Variants in NAPEPLD observed in about 807,000 individuals in gnomAD.
NAPEPLD encodes the protein N-acyl-phosphatidylethanolamine-hydrolyzing phospholipase D.
A neutral mutation model predicts 38.1 loss-of-function variants in NAPEPLD; 23 were observed. The observed-to-expected ratio is 0.60, with a 90% confidence interval of 0.43 to 0.86. NAPEPLD has a LOEUF of 0.86. Ranked by LOEUF, NAPEPLD falls within the 40% of genes least tolerant of loss-of-function variation. The probability of loss-of-function intolerance (pLI) is 0.00; values close to 1 mark genes in which losing one functional copy is unlikely to be tolerated. For synonymous variants in NAPEPLD, 147 were observed against 162.0 expected, an observed-to-expected ratio of 0.91 and a Z score of 0.71; for missense variants, 411 against 476.8, an observed-to-expected ratio of 0.86 and a Z score of 1.28.
At chr7:103,147,882 A>G (rs1030062733) in intron 1 of NAPEPLD, 98 of 671,286 alleles carry the variant, frequency 1.5e-4, no homozygotes, top group Non-Finnish European at 1.8e-4. Flanking sequence ...GAAAATCCTG[A>G]CTATATTTTC....
intron 4 of NAPEPLD, among the ~76,000 whole-genome samples, 186 bp from the exon 5 acceptor site, chr7:103,103,740 C>G (rs1489833131): frequency 1.3e-5 from 2 of 152,076 alleles, no homozygotes; most frequent in Non-Finnish European, 2.9e-5. Flanking sequence ...TGAATTAAGT[C>G]AACAGGTATT....
Position 103,119,722 on chromosome 7 carries a change from G to A in NAPEPLD, c.796C>T (p.Leu266=). The A allele has an allele frequency of 1.2e-6, 2 of 1,614,158 alleles. No individual in the cohort carries two copies. The highest frequency in any genetic ancestry group is 1.7e-6 in the Non-Finnish European group (2 of 1,180,026). Residue 266 remains leucine (L), a synonymous_variant, in exon 3 of 5, where the codon CTA becomes TTA. Transcript: ENST00000465647. ...KRTLMDDNKV[L]WGSWSVLGPW... Reference sequence around the variant, plus strand: ...CCCAAGACAGACCAGCTGCCCCATAGCACCTTGTTGTCATCCATTAGAGTC... The same window carrying A: ...CCCAAGACAGACCAGCTGCCCCATAACACCTTGTTGTCATCCATTAGAGTC...
chr7:103,105,206 C>A (rs1803061443), intron 4 of NAPEPLD, among the ~76,000 whole-genome samples: 2 of 152,106 alleles, frequency 1.3e-5, no homozygotes, highest in African/African-American at 4.8e-5. Context: ...GATAAAAATG[C>A]CCCATAACCA....
intron 1 of NAPEPLD, among the ~76,000 whole-genome samples, chr7:103,134,263 A>G (rs1002832372): frequency 1.3e-5 from 2 of 152,242 alleles, no homozygotes. Flanking sequence ...AGTTATAAAC[A>G]TACCAAATGC....
chr7:103,129,813 G>C (rs1395807242), intron 1 of NAPEPLD, among the ~76,000 whole-genome samples: 1 of 152,102 alleles, frequency 6.6e-6, no homozygotes, highest in Non-Finnish European at 1.5e-5. Flanking sequence ...TTCCCTCCTA[G>C]GTTTATTAAG....
At chr7:103,104,826 A>T (rs772343418) in intron 4 of NAPEPLD, among the ~76,000 whole-genome samples, 2 of 152,226 alleles carry the variant, frequency 1.3e-5, no homozygotes, top group Non-Finnish European at 2.9e-5. Flanking sequence ...TTATTTTAAG[A>T]GATTTCAAAA....
chr7:103,129,430 ATAG>A (rs1314544157), intron 1 of NAPEPLD: 3 of 490,700 alleles, frequency 6.1e-6, no homozygotes, highest in Non-Finnish European at 7.9e-6. Flanking sequence ...TCATAAATCT[ATAG>A]TATTTTCATA....
At chr7:103,132,599 G>C (rs980392097) in intron 1 of NAPEPLD, among the ~76,000 whole-genome samples, 4 of 151,436 alleles carry the variant, frequency 2.6e-5, no homozygotes, top group Non-Finnish European at 4.4e-5. Flanking sequence ...TGCTTTAGGG[G>C]TAAAAATAAA....
intron 3 of NAPEPLD, 149 bp downstream of exon 3, chr7:103,119,428 T>G: frequency 1.7e-6 from 1 of 594,794 alleles, no homozygotes; most frequent in Non-Finnish European, 2.5e-6. Context: ...AAAATCTAAT[T>G]GAATCTGACC....
In NAPEPLD at chr7:103,149,077, A is replaced by T; in HGVS notation, c.-283T>A. On this transcript the variant is annotated 5_prime_UTR_variant, in exon 1 of 5. In the 5' UTR this introduces an upstream ATG that the reference lacks. Coordinates refer to ENST00000465647, the MANE Select transcript of NAPEPLD (RefSeq NM_001122838.3). ...CGCTCCACTTCGCCGAAGAATTCCA[A>T]ACCACCCCAGGCTCAGCAGTGTGGA... 1.0e-6 allele frequency: 1 copy of T among 985,360 alleles called. No homozygotes were observed. Among genetic ancestry groups the T allele is most frequent in the Non-Finnish European group, 1.2e-6 (1 of 829,968 alleles). 61.0% of individuals were successfully genotyped at this position (985,360 alleles called of 1,614,324 possible).
chr7:103,136,478 T>C (rs1162908335), intron 1 of NAPEPLD, among the ~76,000 whole-genome samples: 1 of 151,276 alleles, frequency 6.6e-6, no homozygotes, highest in Non-Finnish European at 1.5e-5. Context: ...TCCCAGCTAC[T>C]TGGGAGGCTG....
At chr7:103,137,984 CT>C (rs11413343) in intron 1 of NAPEPLD, among the ~76,000 whole-genome samples, 3 of 143,768 alleles carry the variant, frequency 2.1e-5, no homozygotes, top group Non-Finnish European at 3.0e-5. Context: ...TGCTTTTTTT[CT>C]TTTTTTTTTT....
At chr7:103,126,303 C>T (rs1807785007) in intron 2 of NAPEPLD, among the ~76,000 whole-genome samples, 1 of 152,212 alleles carries the variant, frequency 6.6e-6, no homozygotes, top group South Asian at 2.1e-4. Flanking sequence ...TGTTGTCAAG[C>T]CGATTCTCTA....
At chr7:103,141,645 T>A in intron 1 of NAPEPLD, 1 of 912,810 alleles carries the variant, frequency 1.1e-6, no homozygotes, top group East Asian at 2.4e-5. Context: ...AGAATCCTCA[T>A]TCTCCTCATC....
At chr7:103,121,844 A>G (rs1356449542) in intron 2 of NAPEPLD, among the ~76,000 whole-genome samples, 4 of 152,136 alleles carry the variant, frequency 2.6e-5, no homozygotes, top group Admixed American at 2.6e-4. Context: ...TTATAGCCTG[A>G]TAAGAAGGAA....
chr7:103,113,256 C>A (rs1433319880), intron 4 of NAPEPLD, among the ~76,000 whole-genome samples: 2 of 152,204 alleles, frequency 1.3e-5, no homozygotes, highest in African/African-American at 4.8e-5. Context: ...CACACACCCA[C>A]ATTTATATTC....
intron 1 of NAPEPLD, among the ~76,000 whole-genome samples, chr7:103,135,788 G>A (rs897720251): frequency 6.6e-6 from 1 of 151,860 alleles, no homozygotes; most frequent in Admixed American, 6.6e-5. Flanking sequence ...TCACTAGAGT[G>A]GAAAGAACAC....
rs898914450 is a variant in NAPEPLD, at chr7:103,149,069, G to C, written c.-275C>G. ...TCTCAGCCCGCTCCACTTCGCCGAA[G>C]AATTCCAAACCACCCCAGGCTCAGC... is the stretch of plus-strand genomic sequence containing the variant. On this transcript the variant is annotated 5_prime_UTR_variant, in exon 1 of 5. Transcript: ENST00000465647. The C allele has an allele frequency of 9.1e-6, 9 of 985,362 alleles. No homozygotes were observed. The highest frequency in any genetic ancestry group is 5.2e-4 in the Middle Eastern group (1 of 1,938). The allele number at this position is 985,362 out of a possible 1,614,324, so 61.0% of individuals were successfully genotyped here.
chr7:103,149,085 C>CA lies in NAPEPLD; in HGVS notation c.-292dup, dbSNP rs1171193864. 1 of 985,428 alleles carries CA rather than the reference C, an allele frequency of 1.0e-6. No individual in the cohort carries two copies. Among genetic ancestry groups the CA allele is most frequent in the Non-Finnish European group, 1.2e-6 (1 of 830,048 alleles). The allele number at this position is 985,428 out of a possible 1,614,324, so 61.0% of individuals were successfully genotyped here. On this transcript the variant is annotated 5_prime_UTR_variant, in exon 1 of 5. Coordinates refer to ENST00000465647, the MANE Select transcript of NAPEPLD (RefSeq NM_001122838.3). ...TTCGCCGAAGAATTCCAAACCACCCCAGGCTCAGCAGTGTGGATTGCTCCG... is the reference window on the plus strand; with the variant it reads ...TTCGCCGAAGAATTCCAAACCACCCCAAGGCTCAGCAGTGTGGATTGCTCCG...
Sources: gnomAD v4.1 joint callset for allele counts (sites outside exome capture counted in the v4.1 genomes callset) on GRCh38, gnomAD v4.1.1 for gene constraint, MANE v1.5 for transcripts, NCBI Gene and HGNC (gene_info 2026-07-23, HGNC 2026-07-21) for gene names.